ATXN7: variants seen among roughly 807,000 people sequenced by gnomAD.
ATXN7 encodes ataxin 7.
ATXN7 carries 12 observed loss-of-function variants against 70.5 expected under a neutral mutation model. The ratio of observed to expected loss-of-function variants is 0.17; its 90% CI spans 0.11 to 0.28. ATXN7 has a LOEUF of 0.28. Among genes scored for constraint, ATXN7 ranks in the 10% least tolerant of loss-of-function variants. The pLI, the probability that ATXN7 is intolerant of heterozygous loss-of-function variation, is 1.00. For synonymous variants in ATXN7, 498 were observed against 448.7 expected (o/e 1.11, Z -1.39); for missense variants, 1,256 against 1,131.7 (o/e 1.11, Z -1.58).
intron 1 of ATXN7, among the ~76,000 whole-genome samples, chr3:63,896,660 G>GT (rs1366715209): frequency 6.6e-6 from 1 of 152,112 alleles, no homozygotes; most frequent in Admixed American, 6.5e-5. Context: ...CATGTAATAG[G>GT]TTTTTTCCCA....
chr3:63,878,763 G>T (rs1205113198), intron 1 of ATXN7, among the ~76,000 whole-genome samples: 1 of 152,206 alleles, frequency 6.6e-6, no homozygotes, highest in African/African-American at 2.4e-5. Context: ...AGTCTAGTGA[G>T]AGCTGGTGCC....
intron 4 of ATXN7, among the ~76,000 whole-genome samples, chr3:63,914,819 T>A (rs1575887782): frequency 6.6e-6 from 1 of 152,232 alleles, no homozygotes; most frequent in South Asian, 2.1e-4. Context: ...CTAGATATAT[T>A]ATTTTCTGTT....
Position 64,000,681 on chromosome 3 carries a change from C to G in ATXN7, c.*1214C>G, listed in dbSNP as rs935585063. 1 of 152,092 alleles carries G rather than the reference C, an allele frequency of 6.6e-6. No individual in the cohort carries two copies. Among genetic ancestry groups the G allele is most frequent in the Admixed American group, 6.5e-5 (1 of 15,268 alleles). The allele number at this position is 152,092 out of a possible 1,614,324, so 9.4% of individuals were successfully genotyped here. ...GAGTTGGAGAGAATGTAAGTCCTGA[C>G]CTGAAGGTCTTTTGTGATGCATGTA... On this transcript the variant is annotated 3_prime_UTR_variant, in exon 13 of 13. Transcript: ENST00000674280.
chr3:63,936,518 G>A (rs947900800), intron 4 of ATXN7, among the ~76,000 whole-genome samples: 1 of 152,208 alleles, frequency 6.6e-6, no homozygotes, highest in Admixed American at 6.5e-5. Context: ...TCAGTTATAT[G>A]TTAGGTGGTC....
At chr3:63,920,860 G>T (rs1280665144) in intron 4 of ATXN7, among the ~76,000 whole-genome samples, 1 of 152,102 alleles carries the variant, frequency 6.6e-6, no homozygotes, top group Non-Finnish European at 1.5e-5. Context: ...TAGCATTTCA[G>T]TGCAAGATTG....
At chr3:63,994,361 A>G (rs1559662036) in intron 11 of ATXN7, among the ~76,000 whole-genome samples, 1 of 152,036 alleles carries the variant, frequency 6.6e-6, no homozygotes, top group Non-Finnish European at 1.5e-5. Context: ...CAGCCTTCTA[A>G]GTAGCTGGGA....
At chr3:63,953,656 CTT>C (rs1369697109) in intron 5 of ATXN7, among the ~76,000 whole-genome samples, 14 of 138,440 alleles carry the variant, frequency 1.0e-4, no homozygotes, top group Non-Finnish European at 1.1e-4. Context: ...TGAGATACTT[CTT>C]TTTTTTTTTT....
intron 1 of ATXN7, among the ~76,000 whole-genome samples, chr3:63,870,579 TTTTA>T (rs1482116324): frequency 2.6e-5 from 4 of 152,252 alleles, no homozygotes; most frequent in African/African-American, 9.6e-5. Context: ...CACCAATTAA[TTTTA>T]TTTATTGTTA....
chr3:63,947,686 A>G (rs983812682), intron 4 of ATXN7, among the ~76,000 whole-genome samples: 2 of 152,060 alleles, frequency 1.3e-5, no homozygotes, highest in African/African-American at 4.8e-5. Context: ...ACTGACCCAC[A>G]CTCTTAGCCA....
intron 1 of ATXN7, among the ~76,000 whole-genome samples, chr3:63,881,404 T>C (rs1220648961): frequency 1.3e-5 from 2 of 152,036 alleles, no homozygotes; most frequent in African/African-American, 4.8e-5. Context: ...TAGTTGGGTC[T>C]AGAAGCAGCC....
chr3:63,978,093 C>G (rs538323657), intron 5 of ATXN7, among the ~76,000 whole-genome samples: 2 of 152,260 alleles, frequency 1.3e-5, no homozygotes, highest in South Asian at 4.1e-4. Flanking sequence ...TTAGCCTGGT[C>G]TACTGTAGTG....
rs772610244 is a variant in ATXN7, at chr3:63,990,246, C to T, written c.1432C>T (p.His478Tyr). 3 of 1,614,072 alleles carry T rather than the reference C, an allele frequency of 1.9e-6. No homozygotes were observed. Among genetic ancestry groups the T allele is most frequent in the Non-Finnish European group, 2.5e-6 (3 of 1,180,018 alleles). Residue 478 changes from histidine to tyrosine, a missense_variant, in exon 10 of 13, where the codon CAC becomes TAC. His to Tyr is a moderately conservative substitution (Grantham distance 83). Coordinates refer to ENST00000674280, the MANE Select transcript of ATXN7 (RefSeq NM_001377405.1). ...IDPPPVHESP[H>Y]PPLPATEPAS... ...CCCTCCTCCAGTCCATGAATCTCCA[C>T]ACCCTCCCCTGCCTGCCACTGAGCC...
chr3:63,936,136 AAC>A (rs1225715387), intron 4 of ATXN7, among the ~76,000 whole-genome samples: 2 of 152,212 alleles, frequency 1.3e-5, no homozygotes, highest in Non-Finnish European at 2.9e-5. Flanking sequence ...AAACATAGTA[AAC>A]ACACAAATAA....
intron 1 of ATXN7, among the ~76,000 whole-genome samples, chr3:63,866,316 T>C (rs144886323): frequency 4.5e-4 from 68 of 152,314 alleles, no homozygotes; most frequent in African/African-American, 1.6e-3. Flanking sequence ...GGCACGATCA[T>C]CAGGGCTCAC....
intron 1 of ATXN7, among the ~76,000 whole-genome samples, chr3:63,896,975 T>C (rs1703467540): frequency 6.6e-6 from 1 of 152,220 alleles, no homozygotes; most frequent in African/African-American, 2.4e-5. Flanking sequence ...TCTAATCTGA[T>C]GCTGGTGTTG....
At chr3:63,882,385 C>CTTTTTTT (rs1164256938) in intron 1 of ATXN7, among the ~76,000 whole-genome samples, 1 of 128,844 alleles carries the variant, frequency 7.8e-6, no homozygotes, top group Non-Finnish European at 1.7e-5. Flanking sequence ...GCCTTTGATT[C>CTTTTTTT]TTTTTTTTTT....
chr3:63,988,461 A>G, intron 9 of ATXN7, 137 bp downstream of exon 9: 3 of 1,208,950 alleles, frequency 2.5e-6, no homozygotes, highest in Non-Finnish European at 2.3e-6. Context: ...GAGTTTTACT[A>G]TGAAAAAAAA....
Position 63,988,164 on chromosome 3 carries a change from C to T in ATXN7, c.1201C>T (p.His401Tyr), listed in dbSNP as rs1259171914. The change falls in exon 9 of 13, where the codon CAT (histidine) becomes TAT (tyrosine). Residue 401 changes from histidine to tyrosine, a missense_variant. Physicochemically the swap from His to Tyr is moderately conservative, Grantham distance 83 (BLOSUM62 2). Coordinates refer to ENST00000674280, the MANE Select transcript of ATXN7 (RefSeq NM_001377405.1). ...NKTREKELIR[H>Y]PDSQQPPQPL... The stretch of plus-strand genomic sequence containing the variant: ...AACCAGGGAAAAGGAATTGATTCGC[C>T]ATCCGGACTCTCAGCAACCACCGCA... 6.2e-7 allele frequency: 1 copy of T among 1,613,866 alleles called. No individual in the cohort carries two copies. The highest frequency in any genetic ancestry group is 8.5e-7 in the Non-Finnish European group (1 of 1,180,010).
chr3:63,997,718 C>G, intron 12 of ATXN7: 1 of 1,550,760 alleles, frequency 6.4e-7, no homozygotes, highest in Non-Finnish European at 8.7e-7. Context: ...TTTTTTTCCC[C>G]TTCCTCGTCT....
Sources: allele counts gnomAD v4.1 joint callset (sites outside exome capture counted in the v4.1 genomes callset), GRCh38; gene constraint gnomAD v4.1.1; transcripts MANE v1.5; gene names NCBI Gene and HGNC (gene_info 2026-07-23, HGNC 2026-07-21).